Variants in TG observed in about 807,000 individuals in gnomAD.
The protein encoded by TG is thyroglobulin.
In TG, 270 loss-of-function variants were observed where a neutral mutation model predicts 324.7. The observed-to-expected ratio is 0.83, with a 90% CI of 0.75 to 0.92. TG has a LOEUF of 0.92. TG is among the 40% of genes least tolerant of loss of function. The probability of loss-of-function intolerance (pLI) is 0.00; values close to 1 mark genes in which losing one functional copy is unlikely to be tolerated. For synonymous variants in TG, 1,401 were observed against 1,327.0 expected (o/e 1.06, Z -1.21); for missense variants, 3,591 against 3,456.4 (o/e 1.04, Z -0.98).
intron 41 of TG, among the ~76,000 whole-genome samples, chr8:133,060,677 C>T (rs1842243350): frequency 6.6e-6 from 1 of 152,198 alleles, no homozygotes. Flanking sequence ...TTGAGTTTGT[C>T]AGCATGCTTT....
chr8:132,902,191 A>G (rs1275320499), intron 16 of TG, among the ~76,000 whole-genome samples: 5 of 152,174 alleles, frequency 3.3e-5, no homozygotes, highest in Admixed American at 6.5e-5. Context: ...CAAAATACTT[A>G]TTACCAATTG....
intron 41 of TG, chr8:133,063,987 T>C (rs1842746343): frequency 6.6e-6 from 1 of 152,176 alleles, no homozygotes; most frequent in Non-Finnish European, 1.5e-5. Flanking sequence ...CTAAGAACAA[T>C]AGAAAAGGGC....
chr8:133,095,313 T>A (rs1461625423), intron 42 of TG, 105 bp downstream of exon 42: 1 of 1,493,346 alleles, frequency 6.7e-7, no homozygotes, highest in African/African-American at 1.4e-5. Flanking sequence ...ATACCACACA[T>A]GAGGCTGATG....
At chr8:133,017,632 T>C in intron 37 of TG, 146 bp from the exon 38 acceptor site, 1 of 801,854 alleles carries the variant, frequency 1.2e-6, no homozygotes, top group East Asian at 2.6e-5. Flanking sequence ...ATTTAAGCTG[T>C]AGGGGTCTGA....
intron 26 of TG, among the ~76,000 whole-genome samples, chr8:132,945,989 G>A (rs1030438870): frequency 6.6e-6 from 1 of 151,618 alleles, no homozygotes; most frequent in African/African-American, 2.4e-5. Flanking sequence ...AATGTTCTAT[G>A]ATTATGTGAT....
rs769346188 is a variant in TG, at chr8:132,893,874, C to T, written c.2946C>T (p.Phe982=). 1.2e-6 allele frequency: 2 copies of T among 1,614,036 alleles called. No homozygotes were observed. Among genetic ancestry groups the T allele is most frequent in the South Asian group, 1.1e-5 (1 of 91,090 alleles). The part of the protein sequence containing the change: ...LPPLFPPREA[F]AEQFLRGSDY... ...CGCTCTTCCCGCCCCGGGAGGCTTT[C>T]GCGGAGCAGTTTCTGCGTGGGAGTG... Residue 982 remains phenylalanine, a synonymous_variant, in exon 11 of 48, where the codon TTC becomes TTT. Coordinates refer to ENST00000220616, the MANE Select transcript of TG (RefSeq NM_003235.5).
At chr8:133,125,518 T>C (rs1012654587) in intron 45 of TG, among the ~76,000 whole-genome samples, 1 of 152,242 alleles carries the variant, frequency 6.6e-6, no homozygotes, top group Non-Finnish European at 1.5e-5. Context: ...TTACTAATGC[T>C]GCTTCGTGTA....
At chr8:132,920,422 A>C (rs1820942838) in intron 21 of TG, among the ~76,000 whole-genome samples, 1 of 152,254 alleles carries the variant, frequency 6.6e-6, no homozygotes. Context: ...CCTGGTCAGG[A>C]AAGCAGTAAT....
At chr8:132,995,910 A>C (rs2130797368) in intron 35 of TG, among the ~76,000 whole-genome samples, 1 of 152,358 alleles carries the variant, frequency 6.6e-6, no homozygotes, top group African/African-American at 2.4e-5. Flanking sequence ...ACCCACCAAC[A>C]CACAAGCTCA....
intron 10 of TG, 108 bp downstream of exon 10, chr8:132,888,676 A>C: frequency 1.6e-6 from 2 of 1,214,708 alleles, no homozygotes; most frequent in Non-Finnish European, 2.2e-6. Flanking sequence ...TTGAGTGTCA[A>C]AGCTGGAATG....
At chr8:132,932,290 C>G (rs1290333917) in intron 23 of TG, among the ~76,000 whole-genome samples, 2 of 152,138 alleles carry the variant, frequency 1.3e-5, no homozygotes, top group African/African-American at 4.8e-5. Context: ...AATGTCATCT[C>G]AATAGAGCTG....
At chr8:133,006,170 G>T (rs1290269903) in intron 35 of TG, among the ~76,000 whole-genome samples, 42 of 152,236 alleles carry the variant, frequency 2.8e-4, no homozygotes, top group Non-Finnish European at 1.5e-5. Flanking sequence ...TAAGGGACTT[G>T]CCTGAGGACA....
intron 37 of TG, among the ~76,000 whole-genome samples, chr8:133,016,534 C>A (rs568598678): frequency 6.6e-6 from 1 of 152,346 alleles, no homozygotes; most frequent in South Asian, 2.1e-4. Flanking sequence ...CCTCCTCTCC[C>A]CACTGTCTTG....
chr8:132,946,179 G>C (rs1359636606), intron 26 of TG, among the ~76,000 whole-genome samples: 1 of 151,600 alleles, frequency 6.6e-6, no homozygotes, highest in African/African-American at 2.4e-5. Context: ...AATTTCCCCA[G>C]ATGCACAATG....
At chr8:132,928,422 T>G (rs2132520674) in intron 22 of TG, among the ~76,000 whole-genome samples, 1 of 152,354 alleles carries the variant, frequency 6.6e-6, no homozygotes, top group Non-Finnish European at 1.5e-5. Flanking sequence ...TTAGCCTCCA[T>G]GCTTTCTTTT....
At position 132,969,991 on chromosome 8, in the gene TG, A is replaced by G. The variant is rs939925947; in HGVS notation, c.5975+422A>G. 1.6e-4 allele frequency among the ~76,000 whole-genome samples: 24 copies of G among 151,866 alleles called. No homozygotes were observed. The South Asian group carries it at 2.1e-3, about 13-fold the overall frequency. ...GGTAAAAGATAATAAGGAGGTAACCATATCTGAAAACCTCAGCTAAGGTAA... is the reference window on the plus strand; with the variant it reads ...GGTAAAAGATAATAAGGAGGTAACCGTATCTGAAAACCTCAGCTAAGGTAA... On this transcript the variant is annotated intron_variant, in intron 32 of 47. Transcript: ENST00000220616.
chr8:133,081,432 G>T (rs1444550117), intron 41 of TG, among the ~76,000 whole-genome samples: 2 of 152,198 alleles, frequency 1.3e-5, no homozygotes, highest in Non-Finnish European at 2.9e-5. Flanking sequence ...TTGTTTCTCT[G>T]GAGATAAAAG....
chr8:132,943,318 G>C lies in TG; in HGVS notation c.5233+1776G>C, dbSNP rs192214499. ...CCACCTCCCCCTCTCTCTAACTCCT[G>C]ATCTCCTGTAACATGCCTGCTCCCC... On this transcript the variant is annotated intron_variant, in intron 26 of 47. Coordinates refer to ENST00000220616, the MANE Select transcript of TG (RefSeq NM_003235.5). 1.2e-3 allele frequency among the ~76,000 whole-genome samples: 176 copies of C among 152,154 alleles called. 1 individual carries two copies. Among genetic ancestry groups the C allele is most frequent in the Admixed American group, 3.6e-3 (55 of 15,286 alleles).
At chr8:132,875,984 C>A (rs1439683843) in intron 5 of TG, among the ~76,000 whole-genome samples, 1 of 152,044 alleles carries the variant, frequency 6.6e-6, no homozygotes, top group Non-Finnish European at 1.5e-5. Flanking sequence ...CAGCAAGTTA[C>A]GTTTGAATTT....
Sources: gnomAD v4.1 joint callset for allele counts (sites outside exome capture counted in the v4.1 genomes callset) on GRCh38, gnomAD v4.1.1 for gene constraint, MANE v1.5 for transcripts, NCBI Gene and HGNC (gene_info 2026-07-23, HGNC 2026-07-21) for gene names.